Variants in ELP2 observed in about 807,000 individuals in gnomAD.
The protein encoded by ELP2 is elongator complex protein 2.
ELP2 carries 90 observed loss-of-function variants against 119.2 expected under a neutral mutation model. The ratio of observed to expected loss-of-function variants is 0.75; its 90% CI spans 0.64 to 0.90. ELP2 has a LOEUF of 0.90. Ranked by LOEUF, ELP2 falls within the 40% of genes least tolerant of loss-of-function variation. The pLI is 0.00. For synonymous variants in ELP2, 339 were observed against 331.0 expected (o/e 1.02, Z -0.26); for missense variants, 921 against 967.8 (o/e 0.95, Z 0.64).
chr18:36,136,457 C>T, intron 3 of ELP2, 80 bp downstream of exon 3: 2 of 1,185,372 alleles, frequency 1.7e-6, no homozygotes, highest in Non-Finnish European at 2.5e-6. Flanking sequence ...ACTCTGTCAC[C>T]CAGGCTGACG....
intron 17 of ELP2, among the ~76,000 whole-genome samples, chr18:36,164,133 C>T (rs2090822749): frequency 6.6e-6 from 1 of 151,260 alleles, no homozygotes; most frequent in South Asian, 2.1e-4. Context: ...CATTTTTTTC[C>T]CCCTTCATGT....
chr18:36,160,894 C>G, intron 16 of ELP2, 38 bp from the exon 17 acceptor site: 2 of 1,365,186 alleles, frequency 1.5e-6, no homozygotes, highest in Non-Finnish European at 2.1e-6. Flanking sequence ...AGAATAGATT[C>G]ATTTGCTAAT....
chr18:36,132,472 G>C (rs2089669998), intron 1 of ELP2, among the ~76,000 whole-genome samples: 1 of 152,216 alleles, frequency 6.6e-6, no homozygotes, highest in African/African-American at 2.4e-5. Flanking sequence ...TCTTAGCCAT[G>C]AGAATTCTAG....
chr18:36,135,285 C>G (rs1208558511), intron 2 of ELP2, among the ~76,000 whole-genome samples: 3 of 152,164 alleles, frequency 2.0e-5, no homozygotes, highest in African/African-American at 4.8e-5. Flanking sequence ...ATGCAGATAG[C>G]CTTTCCAACC....
At chr18:36,151,670 A>C (rs1250694879) in intron 11 of ELP2, among the ~76,000 whole-genome samples, 1 of 151,426 alleles carries the variant, frequency 6.6e-6, no homozygotes, top group Non-Finnish European at 1.5e-5. Flanking sequence ...TTAGCCAGGC[A>C]TGGTTAATTC....
Position 36,138,861 on chromosome 18 carries a change from C to T in ELP2, c.512C>T (p.Pro171Leu). The T allele has an allele frequency of 1.2e-6, 2 of 1,613,234 alleles. No homozygotes were observed. The highest frequency in any genetic ancestry group is 1.7e-6 in the Non-Finnish European group (2 of 1,179,470). Residue 171 changes from proline (P) to leucine (L), a missense_variant, in exon 5 of 22, where the codon CCA (proline) becomes CTA (leucine). Coordinates refer to ENST00000358232, the MANE Select transcript of ELP2 (RefSeq NM_018255.4). ...FALALCLSFL[P>L]NTDVPILACG... ...TTGGCTCTCTGCTTATCTTTTTTGC[C>T]AAATACTGATGGTGAGTATCCTGTT...
At chr18:36,147,454 G>T (rs541632082) in intron 11 of ELP2, among the ~76,000 whole-genome samples, 17 of 151,788 alleles carry the variant, frequency 1.1e-4, no homozygotes, top group African/African-American at 4.1e-4. Context: ...TGCTCTTTTG[G>T]CCCAGGTTGG....
intron 11 of ELP2, among the ~76,000 whole-genome samples, chr18:36,152,744 T>C (rs1315540568): frequency 6.6e-6 from 1 of 152,230 alleles, no homozygotes; most frequent in East Asian, 1.9e-4. Flanking sequence ...TGTTCACTAG[T>C]GAGCTGTGGG....
intron 14 of ELP2, 144 bp from the exon 15 acceptor site, chr18:36,159,591 C>T: frequency 1.4e-6 from 1 of 703,658 alleles, no homozygotes; most frequent in Middle Eastern, 3.8e-4. Flanking sequence ...TGGAAATACT[C>T]TTGCCTTTGG....
At chr18:36,142,374 A>G (rs2090062171) in intron 7 of ELP2, 27 bp downstream of exon 7, 1 of 1,574,794 alleles carries the variant, frequency 6.4e-7, no homozygotes, top group Non-Finnish European at 8.7e-7. Context: ...GCTAATGCAC[A>G]TACAATGGGA....
In ELP2 at chr18:36,160,914, T is replaced by C. The variant is rs1167226219; in HGVS notation, c.1689-18T>C. 1 of 1,577,388 alleles carries C rather than the reference T, an allele frequency of 6.3e-7. No homozygotes were observed. Among genetic ancestry groups the C allele is most frequent in the African/African-American group, 1.3e-5 (1 of 74,170 alleles). Reference sequence around the variant, plus strand: ...AGATTCATTTGCTAATAGTACTTTTTTTCTTTTTAAATTTTAGATATGGGC... The same window carrying C: ...AGATTCATTTGCTAATAGTACTTTTCTTCTTTTTAAATTTTAGATATGGGC... On this transcript the variant is annotated intron_variant, in intron 16 of 21. Transcript: ENST00000358232.
In ELP2 at chr18:36,179,033, G is replaced by A. The variant is rs948717804; in HGVS notation, c.*4392G>A. 6.6e-6 allele frequency: 1 copy of A among 152,254 alleles called. No individual in the cohort carries two copies. The highest frequency in any genetic ancestry group is 1.5e-5 in the Non-Finnish European group (1 of 68,046). 9.4% of individuals were successfully genotyped at this position (152,254 alleles called of 1,614,324 possible). A position where few individuals can be genotyped will look rare whatever the true frequency, so the allele number is the denominator to read the frequency against. On this transcript the variant is annotated 3_prime_UTR_variant, in exon 22 of 22. Coordinates refer to ENST00000358232, the MANE Select transcript of ELP2 (RefSeq NM_018255.4). ...CATGTAGTGGATGGTCCAGTATTAA[G>A]GCTCTGCCATGCTTAAACAAGAGAC...
intron 19 of ELP2, among the ~76,000 whole-genome samples, chr18:36,168,743 T>C (rs899823575): frequency 6.6e-6 from 1 of 152,070 alleles, no homozygotes; most frequent in Non-Finnish European, 1.5e-5. Context: ...CTATAGAACA[T>C]GGTCCAGCTG....
At chr18:36,173,304 A>G (rs1248682488) in intron 21 of ELP2, among the ~76,000 whole-genome samples, 3 of 152,232 alleles carry the variant, frequency 2.0e-5, no homozygotes, top group East Asian at 3.8e-4. Flanking sequence ...TGTGTTCAGA[A>G]CTAGCTTACT....
Position 36,138,414 on chromosome 18 carries a change from A to C in ELP2, c.433A>C (p.Lys145Gln). The C allele has an allele frequency of 1.9e-6, 3 of 1,614,118 alleles. No individual in the cohort carries two copies. The highest frequency in any genetic ancestry group is 1.7e-6 in the Non-Finnish European group (2 of 1,180,000). Residue 145 changes from lysine to glutamine, a missense_variant, in exon 4 of 22, where the codon AAG (lysine) becomes CAG (glutamine). Physicochemically the swap from Lys to Gln is moderately conservative, Grantham distance 53. Transcript: ENST00000358232. ...TTCTGCTGTTCGACTCTGGTCTAAA[A>C]AGGGTCCAGAAGGTAGGTTTGGAGA... The part of the protein sequence containing the change: ...ADSAVRLWSK[K>Q]GPEVMCLQTL...
intron 1 of ELP2, among the ~76,000 whole-genome samples, chr18:36,131,751 G>T (rs751923850): frequency 1.3e-5 from 2 of 152,172 alleles, no homozygotes; most frequent in Middle Eastern, 3.2e-3. Flanking sequence ...ACACTGAAAT[G>T]AAATTCTGAT....
At chr18:36,140,104 A>G (rs758059275) in intron 5 of ELP2, among the ~76,000 whole-genome samples, 32 of 151,958 alleles carry the variant, frequency 2.1e-4, no homozygotes, top group Non-Finnish European at 3.7e-4. Flanking sequence ...TCGGCCTCCC[A>G]AAGTGCTGGG....
At chr18:36,150,795 C>T (rs1270899155) in intron 11 of ELP2, among the ~76,000 whole-genome samples, 4 of 152,186 alleles carry the variant, frequency 2.6e-5, no homozygotes, top group African/African-American at 9.7e-5. Flanking sequence ...CCCAATCAGA[C>T]ACAATGTTCA....
intron 11 of ELP2, among the ~76,000 whole-genome samples, chr18:36,151,480 G>A (rs1479990153): frequency 1.3e-5 from 2 of 152,110 alleles, no homozygotes; most frequent in African/African-American, 4.8e-5. Flanking sequence ...ACTCCCTTTG[G>A]TCCACCCAGC....
Sources: gnomAD v4.1 joint callset for allele counts (sites outside exome capture counted in the v4.1 genomes callset) on GRCh38, gnomAD v4.1.1 for gene constraint, MANE v1.5 for transcripts, NCBI Gene and HGNC (gene_info 2026-07-23, HGNC 2026-07-21) for gene names.